BTBD9: variants seen among roughly 807,000 people sequenced by gnomAD.
BTBD9 encodes the protein BTB domain containing 9, also known as BTB/POZ domain-containing protein 9.
Under a neutral mutation model 64.3 loss-of-function variants are expected in BTBD9, and 49 were observed. The ratio of observed to expected loss-of-function variants is 0.76; its 90% confidence interval spans 0.61 to 0.97. BTBD9 has a LOEUF of 0.97. Ranked by LOEUF, BTBD9 falls within the 50% of genes least tolerant of loss-of-function variation. The pLI is 0.00. For missense variants in BTBD9, 598 were observed against 762.1 expected (o/e 0.78, Z 2.53); for synonymous variants, 260 against 274.7 (o/e 0.95, Z 0.53).
chr6:38,377,439 T>C (rs1006887330), intron 6 of BTBD9, among the ~76,000 whole-genome samples: 1 of 152,216 alleles, frequency 6.6e-6, no homozygotes, highest in Middle Eastern at 3.2e-3. Context: ...AATGATAGTA[T>C]GCAACTGTTA....
chr6:38,258,650 G>A (rs1764686805), intron 8 of BTBD9, among the ~76,000 whole-genome samples: 1 of 152,184 alleles, frequency 6.6e-6, no homozygotes, highest in South Asian at 2.1e-4. Flanking sequence ...CAGCACTTTG[G>A]GAGGCCAAGG....
chr6:38,329,966 A>T (rs1763606749), intron 7 of BTBD9, among the ~76,000 whole-genome samples: 1 of 152,038 alleles, frequency 6.6e-6, no homozygotes. Context: ...AAAAAAGAAG[A>T]TACTTAGTAT....
At chr6:38,338,914 A>C (rs919339387) in intron 7 of BTBD9, among the ~76,000 whole-genome samples, 1 of 152,234 alleles carries the variant, frequency 6.6e-6, no homozygotes, top group African/African-American at 2.4e-5. Flanking sequence ...GCACTGAGAT[A>C]CCATTTCTCA....
At chr6:38,371,942 A>G (rs1220181226) in intron 6 of BTBD9, among the ~76,000 whole-genome samples, 2 of 152,234 alleles carry the variant, frequency 1.3e-5, no homozygotes, top group Non-Finnish European at 2.9e-5. Context: ...ATTTGTACAT[A>G]CTAGTTTTAG....
chr6:38,569,055 A>C (rs1775642427), intron 6 of BTBD9, among the ~76,000 whole-genome samples: 1 of 152,220 alleles, frequency 6.6e-6, no homozygotes, highest in African/African-American at 2.4e-5. Flanking sequence ...GAGACAAAAA[A>C]AGGTATTCTT....
intron 1 of BTBD9, among the ~76,000 whole-genome samples, chr6:38,623,187 C>T (rs1778049388): frequency 1.3e-5 from 2 of 152,136 alleles, no homozygotes; most frequent in Non-Finnish European, 2.9e-5. Flanking sequence ...GGAATGTCAA[C>T]CTATATCTGC....
At chr6:38,368,977 G>A (rs548305151) in intron 6 of BTBD9, among the ~76,000 whole-genome samples, 28 of 152,096 alleles carry the variant, frequency 1.8e-4, no homozygotes, top group Non-Finnish European at 3.5e-4. Flanking sequence ...TGAATTCATC[G>A]TCTTCTACTC....
chr6:38,408,276 T>G (rs973286802), intron 6 of BTBD9, among the ~76,000 whole-genome samples: 3 of 152,164 alleles, frequency 2.0e-5, no homozygotes, highest in African/African-American at 7.2e-5. Context: ...GGGGATCACT[T>G]GAGCCCAGGA....
intron 6 of BTBD9, among the ~76,000 whole-genome samples, chr6:38,361,920 T>C (rs1015436186): frequency 7.9e-5 from 12 of 151,706 alleles, no homozygotes; most frequent in African/African-American, 2.4e-4. Context: ...CAAAGATTAA[T>C]TACTTTGAGG....
At chr6:38,362,440 T>G (rs1765000342) in intron 6 of BTBD9, among the ~76,000 whole-genome samples, 1 of 152,214 alleles carries the variant, frequency 6.6e-6, no homozygotes, top group Non-Finnish European at 1.5e-5. Context: ...TGAATCAATG[T>G]GGGTAAACAA....
At chr6:38,532,598 A>C (rs1773847748) in intron 6 of BTBD9, among the ~76,000 whole-genome samples, 1 of 152,132 alleles carries the variant, frequency 6.6e-6, no homozygotes, top group Non-Finnish European at 1.5e-5. Flanking sequence ...CAGCTCAGCC[A>C]CAGTAGGATA....
intron 6 of BTBD9, among the ~76,000 whole-genome samples, chr6:38,494,000 G>T (rs1307575993): frequency 6.6e-6 from 1 of 152,178 alleles, no homozygotes; most frequent in African/African-American, 2.4e-5. Context: ...AGTTTCCACA[G>T]CTAAAGGCTG....
intron 1 of BTBD9, among the ~76,000 whole-genome samples, chr6:38,627,187 G>C (rs1778197514): frequency 6.6e-6 from 1 of 152,204 alleles, no homozygotes; most frequent in South Asian, 2.1e-4. Flanking sequence ...TGCTTATGAT[G>C]CAGGTCAGAA....
At chr6:38,633,466 TA>T (rs143521657) in intron 1 of BTBD9, among the ~76,000 whole-genome samples, 2,368 of 152,326 alleles carry the variant, frequency 0.016, 44 homozygotes, top group African/African-American at 0.053. Flanking sequence ...ATTAGATAAA[TA>T]GCACCTTGTT....
intron 6 of BTBD9, among the ~76,000 whole-genome samples, chr6:38,537,652 T>C (rs1271166423): frequency 6.6e-6 from 1 of 152,234 alleles, no homozygotes; most frequent in African/African-American, 2.4e-5. Flanking sequence ...TGGAATTTTA[T>C]GCTATGTACA....
chr6:38,428,715 CTTT>C (rs1168857802), intron 6 of BTBD9, among the ~76,000 whole-genome samples: 4 of 138,190 alleles, frequency 2.9e-5, no homozygotes, highest in Admixed American at 1.4e-4. Context: ...TTCGTTTTTT[CTTT>C]TTTTTTTTTT....
chr6:38,231,520 G>A (rs914890488), intron 9 of BTBD9, among the ~76,000 whole-genome samples: 2 of 152,150 alleles, frequency 1.3e-5, no homozygotes, highest in Non-Finnish European at 2.9e-5. Flanking sequence ...AACATTAAGG[G>A]CAAGGATAAT....
chr6:38,578,284 A>G (rs912473143), intron 5 of BTBD9, among the ~76,000 whole-genome samples: 4 of 152,122 alleles, frequency 2.6e-5, no homozygotes, highest in African/African-American at 2.4e-5. Context: ...AAAAAAATCA[A>G]TGACACCAGT....
intron 6 of BTBD9, among the ~76,000 whole-genome samples, chr6:38,382,034 A>T (rs1028136388): frequency 1.3e-5 from 2 of 152,198 alleles, no homozygotes; most frequent in South Asian, 4.1e-4. Flanking sequence ...AAATCAACTA[A>T]AGTACTGGCA....
Sources: gnomAD v4.1 joint callset for allele counts (sites outside exome capture counted in the v4.1 genomes callset) on GRCh38, gnomAD v4.1.1 for gene constraint, MANE v1.5 for transcripts, NCBI Gene and HGNC (gene_info 2026-07-23, HGNC 2026-07-21) for gene names.